ARVCF: variants seen among roughly 807,000 people sequenced by gnomAD.
The protein encoded by ARVCF is splicing regulator ARVCF.
In ARVCF, 66 loss-of-function variants were observed where a neutral mutation model predicts 90.9. That is an observed-to-expected ratio of 0.73 (90% CI 0.60 to 0.89). The LOEUF is 0.89. Ranked by LOEUF, ARVCF falls within the 40% of genes least tolerant of loss-of-function variation. The pLI is 0.00. For synonymous variants in ARVCF, 653 were observed against 603.4 expected, an observed-to-expected ratio of 1.08 and a Z score of -1.21; for missense variants, 1,469 against 1,382.3, an observed-to-expected ratio of 1.06 and a Z score of -1.00.
intron 2 of ARVCF, among the ~76,000 whole-genome samples, chr22:20,004,515 C>T (rs1944552529): frequency 6.6e-6 from 1 of 151,950 alleles, no homozygotes; most frequent in Non-Finnish European, 1.5e-5. Context: ...AAAAAAAATC[C>T]CAATGACATT....
intron 2 of ARVCF, among the ~76,000 whole-genome samples, chr22:20,006,062 A>C (rs1285452256): frequency 6.6e-6 from 1 of 152,228 alleles, no homozygotes; most frequent in African/African-American, 2.4e-5. Flanking sequence ...AGGCATCTAA[A>C]GTAGTCAAAC....
At chr22:19,982,246 T>C (rs1660288257) in intron 3 of ARVCF, among the ~76,000 whole-genome samples, 155 bp from the exon 4 acceptor site, 1 of 152,112 alleles carries the variant, frequency 6.6e-6, no homozygotes, top group South Asian at 2.1e-4. Context: ...AAGGCCTGTT[T>C]CGGCCCAAGC....
chr22:19,985,723 C>G (rs915753800), intron 3 of ARVCF, among the ~76,000 whole-genome samples: 1 of 152,222 alleles, frequency 6.6e-6, no homozygotes, highest in Admixed American at 6.5e-5. Context: ...AGATGCACCA[C>G]GGTCTGTGTC....
chr22:19,998,269 C>A (rs1383420766), intron 2 of ARVCF, among the ~76,000 whole-genome samples: 1 of 152,238 alleles, frequency 6.6e-6, no homozygotes, highest in Non-Finnish European at 1.5e-5. Flanking sequence ...GGGGTTAGAC[C>A]CCTTCTTCCC....
chr22:20,001,403 G>T (rs545712683), intron 2 of ARVCF, among the ~76,000 whole-genome samples: 153 of 152,354 alleles, frequency 1.0e-3, no homozygotes, highest in African/African-American at 3.3e-3. Context: ...GACTCAGGAA[G>T]CCGCTTCCCG....
chr22:19,988,897 G>A (rs574403143), intron 3 of ARVCF, among the ~76,000 whole-genome samples: 3 of 152,340 alleles, frequency 2.0e-5, no homozygotes, highest in African/African-American at 7.2e-5. Context: ...GGTAGGTGGA[G>A]GGGCAGTAGC....
In ARVCF at chr22:19,981,753, G is replaced by A; in HGVS notation, c.370-16C>T. On this transcript the variant is annotated splice_polypyrimidine_tract_variant and intron_variant, in intron 4 of 19. Coordinates refer to ENST00000263207, the MANE Select transcript of ARVCF (RefSeq NM_001670.3). Reference sequence around the variant, plus strand: ...TCTTGGTGACCTGGTGGATGGATAGGCAGGTAGGTGGGGTAGCACGAGAGG... The same window carrying A: ...TCTTGGTGACCTGGTGGATGGATAGACAGGTAGGTGGGGTAGCACGAGAGG... 6.4e-7 allele frequency: 1 copy of A among 1,555,860 alleles called. No individual in the cohort carries two copies. Among genetic ancestry groups the A allele is most frequent in the Non-Finnish European group, 8.7e-7 (1 of 1,148,718 alleles).
rs1945202621 is a variant in ARVCF, at chr22:20,016,688, CGCGGT to C, written c.-177_-173del. The C allele has an allele frequency of 6.6e-6, 1 of 150,708 alleles. No homozygotes were observed. Among genetic ancestry groups the C allele is most frequent in the Non-Finnish European group, 1.5e-5 (1 of 67,646 alleles). The allele number at this position is 150,708 out of a possible 1,614,324, so 9.3% of individuals were successfully genotyped here. ...GGGGAGCGGCGTTCCCAGGGCGCGG[CGCGGT>C]GCGGCGCGGCGCGGGTCGCAGTCCA... is the stretch of plus-strand genomic sequence containing the variant. On this transcript the variant is annotated 5_prime_UTR_variant, in exon 1 of 20. Transcript: ENST00000263207.
chr22:19,973,923 C>G, intron 12 of ARVCF, 130 bp from the exon 13 acceptor site: 1 of 1,477,330 alleles, frequency 6.8e-7, no homozygotes, highest in South Asian at 1.3e-5. Context: ...AAAAGCTCAA[C>G]GGCACCTCCA....
chr22:19,994,104 G>C lies in ARVCF; in HGVS notation c.-18-3292C>G, dbSNP rs552450190. On this transcript the variant is annotated intron_variant, in intron 2 of 19. Transcript: ENST00000263207. ...AGGATGGACAGACAGATGGATACAGGGGTGGATGGGGGATGGATGAATGAA... is the reference window on the plus strand; with the variant it reads ...AGGATGGACAGACAGATGGATACAGCGGTGGATGGGGGATGGATGAATGAA... 2.6e-5 allele frequency among the ~76,000 whole-genome samples: 4 copies of C among 152,292 alleles called. 1 individual carries two copies. Among genetic ancestry groups the C allele is most frequent in the African/African-American group, 9.6e-5 (4 of 41,566 alleles).
intron 16 of ARVCF, 43 bp from the exon 17 acceptor site, chr22:19,972,454 G>A (rs751949219): frequency 1.3e-5 from 21 of 1,611,046 alleles, no homozygotes; most frequent in Non-Finnish European, 1.7e-5. Flanking sequence ...TGGCAGCCAG[G>A]GGGGATCGGG....
intron 2 of ARVCF, among the ~76,000 whole-genome samples, chr22:19,993,866 G>GACCCAGCCCCC (rs1306852812): frequency 2.6e-5 from 4 of 152,110 alleles, no homozygotes; most frequent in Non-Finnish European, 4.4e-5. Context: ...CAAAAGTGAC[G>GACCCAGCCCCC]ACCCAGCCCC....
At chr22:19,977,820 C>A in intron 8 of ARVCF, 138 bp downstream of exon 8, 2 of 1,118,894 alleles carry the variant, frequency 1.8e-6, no homozygotes, top group Non-Finnish European at 2.5e-6. Flanking sequence ...GTGGTCACTG[C>A]GAGGCGGGCC....
chr22:20,003,019 C>CA (rs568613219), intron 2 of ARVCF, among the ~76,000 whole-genome samples: 50 of 150,022 alleles, frequency 3.3e-4, no homozygotes, highest in Non-Finnish European at 3.0e-4. Context: ...TAAAACAGAA[C>CA]AAAAAAAAAC....
chr22:20,012,079 TC>T (rs11405277), intron 1 of ARVCF, among the ~76,000 whole-genome samples: 48 of 117,128 alleles, frequency 4.1e-4, no homozygotes, highest in East Asian at 2.1e-3. Context: ...CCTCCCAAAG[TC>T]CCCCCCCCCC....
Position 19,981,196 on chromosome 22 carries a change from C to T in ARVCF, c.896+15G>A, listed in dbSNP as rs150294200. The T allele has an allele frequency of 5.1e-4, 772 of 1,511,342 alleles. 4 individuals carry two copies. The African/African-American group carries it at 9.0e-3, about 18-fold the overall frequency. 93.6% of individuals were successfully genotyped at this position (1,511,342 alleles called of 1,614,324 possible). ...TCCCAGAGGAGGTAGCCACAGGGGA[C>T]GGGGTGCAGCTCACCTGGTATGAAG... On this transcript the variant is annotated intron_variant, in intron 5 of 19. Transcript: ENST00000263207.
At chr22:20,006,698 C>T (rs974452187) in intron 2 of ARVCF, among the ~76,000 whole-genome samples, 1 of 151,444 alleles carries the variant, frequency 6.6e-6, no homozygotes, top group Non-Finnish European at 1.5e-5. Flanking sequence ...GTGGCGCGAT[C>T]TCGGCTCACT....
chr22:19,988,883 G>A (rs2238787), intron 3 of ARVCF, among the ~76,000 whole-genome samples: 38,288 of 151,960 alleles, frequency 0.25, 5,226 homozygotes, highest in South Asian at 0.33. Flanking sequence ...TCAGGGGCAG[G>A]GGTGGTAGGT....
downstream of ARVCF, chr22:19,967,477 A>G: frequency 2.3e-6 from 1 of 442,766 alleles, no homozygotes; most frequent in South Asian, 1.7e-5. Context: ...CTGTCCCCTG[A>G]CCTCACTGAC....
Sources: gnomAD v4.1 joint callset for allele counts (sites outside exome capture counted in the v4.1 genomes callset) on GRCh38, gnomAD v4.1.1 for gene constraint, MANE v1.5 for transcripts, NCBI Gene and HGNC (gene_info 2026-07-23, HGNC 2026-07-21) for gene names.